The following PRKCH variants were observed in gnomAD, a reference collection of about 807,000 sequenced individuals.
PRKCH encodes protein kinase C eta type.
A neutral mutation model predicts 82.5 loss-of-function variants in PRKCH; 28 were observed. That is an observed-to-expected ratio of 0.34 (90% confidence interval 0.25 to 0.47). The LOEUF (loss-of-function observed/expected upper bound fraction) is 0.47. PRKCH is among the 20% of genes least tolerant of loss of function. The probability of loss-of-function intolerance (pLI) is 1.00; values close to 1 mark genes in which losing one functional copy is unlikely to be tolerated. For missense variants in PRKCH, 705 were observed against 881.8 expected (o/e 0.80, Z 2.54); for synonymous variants, 322 against 327.4 (o/e 0.98, Z 0.18).
chr14:61,478,301 G>A (rs1885820512), intron 9 of PRKCH, among the ~76,000 whole-genome samples: 1 of 152,146 alleles, frequency 6.6e-6, no homozygotes, highest in African/African-American at 2.4e-5. Flanking sequence ...CACAGCAGGA[G>A]TTGCTCTTGG....
chr14:61,516,379 A>G (rs2042829700), intron 10 of PRKCH, among the ~76,000 whole-genome samples: 1 of 152,198 alleles, frequency 6.6e-6, no homozygotes, highest in Non-Finnish European at 1.5e-5. Flanking sequence ...AGTAACACAC[A>G]TAGGCTAAAA....
intron 1 of PRKCH, among the ~76,000 whole-genome samples, chr14:61,336,771 A>G (rs955915591): frequency 1.3e-5 from 2 of 152,180 alleles, no homozygotes; most frequent in Non-Finnish European, 2.9e-5. Flanking sequence ...CTCTAGTTTT[A>G]AAAGTACGTC....
intron 1 of PRKCH, among the ~76,000 whole-genome samples, chr14:61,264,417 T>C (rs1333281337): frequency 1.3e-5 from 2 of 152,194 alleles, no homozygotes; most frequent in African/African-American, 4.8e-5. Flanking sequence ...GCAGATTTAA[T>C]TGGGCAGCAG....
intron 13 of PRKCH, among the ~76,000 whole-genome samples, chr14:61,548,943 G>T (rs1330122995): frequency 2.0e-5 from 3 of 150,928 alleles, no homozygotes; most frequent in Non-Finnish European, 4.4e-5. Flanking sequence ...ACTTAGAAAT[G>T]ATCTTTGCAG....
chr14:61,461,888 C>G (rs900788555), intron 9 of PRKCH, among the ~76,000 whole-genome samples: 1 of 152,190 alleles, frequency 6.6e-6, no homozygotes, highest in Non-Finnish European at 1.5e-5. Flanking sequence ...GAAGCCTTTA[C>G]TAGCATTGAA....
chr14:61,316,575 G>T (rs1397837074), intron 1 of PRKCH, among the ~76,000 whole-genome samples: 2 of 152,136 alleles, frequency 1.3e-5, no homozygotes, highest in Non-Finnish European at 2.9e-5. Flanking sequence ...GATCAGCGTG[G>T]GATGTGTAGA....
At chr14:61,204,282 T>C (rs2044505480) in intron 1 of PRKCH, among the ~76,000 whole-genome samples, 1 of 152,190 alleles carries the variant, frequency 6.6e-6, no homozygotes, top group African/African-American at 2.4e-5. Context: ...CTATTAACTC[T>C]TAATCCTCTT....
At chr14:61,528,182 A>ACACACACAC (rs1566929556) in intron 10 of PRKCH, 13 of 151,086 alleles carry the variant, frequency 8.6e-5, no homozygotes, top group Admixed American at 1.3e-4. Flanking sequence ...ACACACACAC[A>ACACACACAC]AAGTATTTCT....
chr14:61,235,971 T>G (rs563187802), intron 1 of PRKCH, among the ~76,000 whole-genome samples: 2 of 152,310 alleles, frequency 1.3e-5, no homozygotes, highest in South Asian at 4.1e-4. Context: ...GTTCAGGCCA[T>G]GATGGGAAGC....
chr14:61,407,327 A>T (rs374975308), intron 2 of PRKCH, among the ~76,000 whole-genome samples: 139 of 152,346 alleles, frequency 9.1e-4, no homozygotes, highest in African/African-American at 3.2e-3. Flanking sequence ...GCGGGACTGC[A>T]TGTCTAATAC....
intron 9 of PRKCH, among the ~76,000 whole-genome samples, chr14:61,481,531 G>C (rs1307509082): frequency 6.6e-6 from 1 of 152,182 alleles, no homozygotes; most frequent in Non-Finnish European, 1.5e-5. Flanking sequence ...TCACAACTGT[G>C]TCTTTCCCAT....
intron 1 of PRKCH, among the ~76,000 whole-genome samples, chr14:61,272,734 A>T (rs2140087103): frequency 6.6e-6 from 1 of 152,262 alleles, no homozygotes; most frequent in South Asian, 2.1e-4. Context: ...ATCTACAAAA[A>T]CACTTGCCTG....
chr14:61,470,579 T>C (rs1320174641), intron 9 of PRKCH, among the ~76,000 whole-genome samples: 2 of 152,190 alleles, frequency 1.3e-5, no homozygotes, highest in South Asian at 2.1e-4. Flanking sequence ...TGTCTTTTCT[T>C]TGGGGCCACC....
At chr14:61,339,341 C>T (rs1433512621) in intron 1 of PRKCH, among the ~76,000 whole-genome samples, 5 of 149,038 alleles carry the variant, frequency 3.4e-5, no homozygotes, top group South Asian at 2.1e-4. Context: ...TTTTTTTTTC[C>T]GAGACGGAGT....
At chr14:61,448,888 A>C (rs1187450429) in intron 4 of PRKCH, among the ~76,000 whole-genome samples, 1 of 152,074 alleles carries the variant, frequency 6.6e-6, no homozygotes. Flanking sequence ...GCAGGACTAG[A>C]GTGTTAGAAG....
At chr14:61,316,250 C>T (rs796899509) in intron 1 of PRKCH, among the ~76,000 whole-genome samples, 7 of 152,202 alleles carry the variant, frequency 4.6e-5, no homozygotes, top group African/African-American at 1.7e-4. Flanking sequence ...TATAGTAACA[C>T]GGGGTCACAT....
intron 5 of PRKCH, among the ~76,000 whole-genome samples, chr14:61,449,537 G>A (rs1884387772): frequency 6.6e-6 from 1 of 152,102 alleles, no homozygotes; most frequent in Admixed American, 6.5e-5. Flanking sequence ...GGTTGGCTGG[G>A]TATAAGCTAT....
At chr14:61,295,854 T>C (rs1343981663) in intron 1 of PRKCH, among the ~76,000 whole-genome samples, 2 of 152,168 alleles carry the variant, frequency 1.3e-5, no homozygotes, top group Admixed American at 6.5e-5. Context: ...AAATAACTTA[T>C]ATTTTCACCC....
At chr14:61,535,921 T>C (rs1400942597) in intron 12 of PRKCH, among the ~76,000 whole-genome samples, 1 of 152,234 alleles carries the variant, frequency 6.6e-6, no homozygotes, top group Non-Finnish European at 1.5e-5. Context: ...TCGTCTAAAA[T>C]TTCCACATGG....
Sources: allele counts gnomAD v4.1 joint callset (sites outside exome capture counted in the v4.1 genomes callset), GRCh38; gene constraint gnomAD v4.1.1; transcripts MANE v1.5; gene names NCBI Gene and HGNC (gene_info 2026-07-23, HGNC 2026-07-21).